Variants in ONECUT1 observed in about 807,000 individuals in gnomAD.
ONECUT1 encodes the protein hepatocyte nuclear factor 6.
ONECUT1 carries 12 observed loss-of-function variants against 25.6 expected under a neutral mutation model. The ratio of observed to expected loss-of-function variants is 0.47; its 90% CI spans 0.30 to 0.76. ONECUT1 has a LOEUF of 0.76. Among genes scored for constraint, ONECUT1 ranks in the 30% least tolerant of loss-of-function variants. The probability of loss-of-function intolerance (pLI) is 0.07; values close to 1 mark genes in which losing one functional copy is unlikely to be tolerated. For missense variants in ONECUT1, 620 were observed against 651.2 expected (o/e 0.95, Z 0.52); for synonymous variants, 285 against 270.2 (o/e 1.05, Z -0.54).
chr15:52,789,259 G>T lies in ONECUT1; in HGVS notation c.626C>A (p.Thr209Asn). The change falls in exon 1 of 2, where the codon ACC (threonine) becomes AAC (asparagine). Residue 209 changes from threonine (T) to asparagine (N), a missense_variant. By Grantham distance (65) the Thr-to-Asn change is moderately conservative. This residue lies in a region of ONECUT1 where 440 missense variants were observed against 404.9 expected (regional missense o/e 1.09). Coordinates refer to ENST00000305901, the MANE Select transcript of ONECUT1 (RefSeq NM_004498.4). This position sits in a 1 kb window ranked among gnomAD's most constrained non-coding sequence, Gnocchi z 4.1. ...HYAHPGAAMP[T>N]DKMLTPNGFE... ...GCCGTTGGGGGTGAGCATCTTGTCG[G>T]TGGGCATGGCGGCCCCCGGGTGGGC... 6.5e-7 allele frequency: 1 copy of T among 1,548,058 alleles called. No individual in the cohort carries two copies. The highest frequency in any genetic ancestry group is 8.7e-7 in the Non-Finnish European group (1 of 1,147,760).
chr15:52,783,434 T>C (rs1241820091), intron 1 of ONECUT1, among the ~76,000 whole-genome samples: 2 of 152,202 alleles, frequency 1.3e-5, no homozygotes, highest in Non-Finnish European at 2.9e-5. Context: ...TACTATGACT[T>C]CCCAAAGACA....
chr15:52,787,215 A>G (rs948462095), intron 1 of ONECUT1: 2 of 152,278 alleles, frequency 1.3e-5, no homozygotes, highest in Non-Finnish European at 2.9e-5. Context: ...CGCAGGCTGC[A>G]GGAACCTGCA....
Position 52,789,793 on chromosome 15 carries a change from C to T in ONECUT1, c.92G>A (p.Ser31Asn). 1.3e-5 allele frequency: 19 copies of T among 1,465,044 alleles called. No individual in the cohort carries two copies. Among genetic ancestry groups the T allele is most frequent in the Non-Finnish European group, 1.7e-5 (19 of 1,121,362 alleles). 90.8% of individuals were successfully genotyped at this position (1,465,044 alleles called of 1,614,324 possible). The change falls in exon 1 of 2, where the codon AGC (serine) becomes AAC (asparagine). Residue 31 changes from serine (S) to asparagine (N), a missense_variant. Transcript: ENST00000305901. This position sits in a 1 kb window ranked among gnomAD's most constrained non-coding sequence, Gnocchi z 4.1. ...CGCCACGGAGCTGCGCGCGTGGGGG[C>T]TGCCGCCCAGCAGGTCGGCAGGGGC... ...VPAPADLLGG[S>N]PHARSSVAHR...
intron 1 of ONECUT1, among the ~76,000 whole-genome samples, chr15:52,772,673 A>G (rs2141454302): frequency 6.6e-6 from 1 of 152,270 alleles, no homozygotes; most frequent in Middle Eastern, 3.4e-3. Context: ...CAGAAAGAGG[A>G]AGAACAAGGT....
intron 1 of ONECUT1, among the ~76,000 whole-genome samples, chr15:52,768,317 C>T (rs1481209140): frequency 6.6e-6 from 1 of 152,128 alleles, no homozygotes; most frequent in Non-Finnish European, 1.5e-5. Flanking sequence ...CAAATATATA[C>T]AACTATTATG....
intron 1 of ONECUT1, among the ~76,000 whole-genome samples, chr15:52,779,339 C>T (rs1028419790): frequency 4.6e-5 from 7 of 152,032 alleles, no homozygotes; most frequent in African/African-American, 7.2e-5. Flanking sequence ...CTGCCCGCCT[C>T]GGCCTCCCAA....
At chr15:52,785,528 C>T (rs905613498) in intron 1 of ONECUT1, among the ~76,000 whole-genome samples, 1 of 152,264 alleles carries the variant, frequency 6.6e-6, no homozygotes, top group African/African-American at 2.4e-5. Flanking sequence ...GCCGCCTTCC[C>T]CTGGGTCCGC....
Position 52,789,495 on chromosome 15 carries a change from A to ATGGTGG in ONECUT1, c.384_389dup (p.His133_His134dup). 6.2e-7 allele frequency: 1 copy of ATGGTGG among 1,611,444 alleles called. No individual in the cohort carries two copies. Among genetic ancestry groups the ATGGTGG allele is most frequent in the Non-Finnish European group, 8.5e-7 (1 of 1,179,078 alleles). On this transcript the variant is annotated inframe_insertion, in exon 1 of 2. Transcript: ENST00000305901. The surrounding 1 kb of genome is among the most constrained non-coding windows in gnomAD (Gnocchi z 4.1). Reference sequence around the variant, plus strand: ...GGTGGTGGTGCGGGTGGTGGTGGTGATGGTGGTGGTGGTGATGGTGGGGGA... The same window carrying ATGGTGG: ...GGTGGTGGTGCGGGTGGTGGTGGTGATGGTGGTGGTGGTGGTGGTGATGGTGGGGGA...
chr15:52,777,738 A>ACACACACACACACACACAC (rs1555416123), intron 1 of ONECUT1, among the ~76,000 whole-genome samples: 1 of 96,996 alleles, frequency 1.0e-5, no homozygotes, highest in African/African-American at 7.5e-5. Context: ...ACACACACAC[A>ACACACACACACACACACAC]AAAAAACATG....
Position 52,789,415 on chromosome 15 carries a change from C to A in ONECUT1, c.470G>T (p.Gly157Val). The change falls in exon 1 of 2, where the codon GGG (glycine) becomes GTG (valine). Residue 157 changes from glycine (G) to valine (V), a missense_variant. By Grantham distance (109) the Gly-to-Val change is moderately radical (BLOSUM62 -3). Transcript: ENST00000305901. The surrounding 1 kb of genome is among the most constrained non-coding windows in gnomAD (Gnocchi z 4.1). ...ATAGAGGTTATTCATGGAGGCCAGC[C>A]CGCGCTCATCCCGCATGAGCGTGAA... ...GSFTLMRDER[G>V]LASMNNLYTP... 3 of 1,613,888 alleles carry A rather than the reference C, an allele frequency of 1.9e-6. No individual in the cohort carries two copies. Among genetic ancestry groups the A allele is most frequent in the Non-Finnish European group, 1.7e-6 (2 of 1,179,962 alleles).
chr15:52,771,030 T>C (rs1477058708), intron 1 of ONECUT1, among the ~76,000 whole-genome samples: 1 of 152,204 alleles, frequency 6.6e-6, no homozygotes, highest in African/African-American at 2.4e-5. Context: ...TATATCAATA[T>C]TAAAATATAT....
intron 1 of ONECUT1, among the ~76,000 whole-genome samples, chr15:52,764,975 C>A (rs1162596171): frequency 6.6e-6 from 1 of 152,230 alleles, no homozygotes; most frequent in Non-Finnish European, 1.5e-5. Context: ...TAAGGCAAGA[C>A]ACATCCTGAA....
At chr15:52,782,629 G>C (rs374278650) in intron 1 of ONECUT1, among the ~76,000 whole-genome samples, 19 of 152,216 alleles carry the variant, frequency 1.2e-4, no homozygotes, top group South Asian at 2.1e-4. Flanking sequence ...GTTTTCTCCA[G>C]CATTATAAGA....
chr15:52,789,629 T>C lies in ONECUT1; in HGVS notation c.256A>G (p.Thr86Ala). The change falls in exon 1 of 2, where the codon ACC (threonine) becomes GCC (alanine). Residue 86 changes from threonine to alanine, a missense_variant. By Grantham distance (58) the Thr-to-Ala change is moderately conservative. Transcript: ENST00000305901. The surrounding 1 kb of genome is among the most constrained non-coding windows in gnomAD (Gnocchi z 4.1). ...GGAGTCTCGCAGGCCATGGTCATGG[T>C]GGGATGCAGGGGGCCGGCCAGGCTG... ...EHSLAGPLHP[T>A]MTMACETPPG... 6.4e-7 allele frequency: 1 copy of C among 1,559,512 alleles called. No individual in the cohort carries two copies. The highest frequency in any genetic ancestry group is 8.7e-7 in the Non-Finnish European group (1 of 1,151,918).
At position 52,756,713 on chromosome 15, in the gene ONECUT1, A is replaced by G. The variant is rs2083675470; in HGVS notation, c.*842T>C. Among the ~76,000 whole-genome samples, 1 of 152,244 alleles carries G rather than the reference A, an allele frequency of 6.6e-6. No homozygotes were observed. The highest frequency in any genetic ancestry group is 1.5e-5 in the Non-Finnish European group (1 of 68,048). ...TCATATTTCAAATGCTTCAAGAGTC[A>G]TAAATAATAGTCATGATTCTATGTG... is the stretch of plus-strand genomic sequence containing the variant. On this transcript the variant is annotated 3_prime_UTR_variant, in exon 2 of 2. Transcript: ENST00000305901.
In ONECUT1 at chr15:52,789,540, G is replaced by C; in HGVS notation, c.345C>G (p.Ile115Met). The C allele has an allele frequency of 1.2e-6, 2 of 1,604,618 alleles. No homozygotes were observed. Among genetic ancestry groups the C allele is most frequent in the Non-Finnish European group, 8.5e-7 (1 of 1,174,844 alleles). Residue 115 changes from isoleucine to methionine, a missense_variant, in exon 1 of 2, where the codon ATC (isoleucine) becomes ATG (methionine). Ile to Met is a conservative substitution (Grantham distance 10). This residue lies in a region of ONECUT1 where 440 missense variants were observed against 404.9 expected (regional missense o/e 1.09). Transcript: ENST00000305901. This position sits in a 1 kb window ranked among gnomAD's most constrained non-coding sequence, Gnocchi z 4.1. Reference sequence around the variant, plus strand: ...GGGGGAACTTGTCCGAGACTGTGGAGATGGGAGGCAGCGGCTGCAGAGGGG... The same window carrying C: ...GGGGGAACTTGTCCGAGACTGTGGACATGGGAGGCAGCGGCTGCAGAGGGG... The part of the protein sequence containing the change: ...TLTPLQPLPP[I>M]STVSDKFPHH...
chr15:52,780,583 A>C (rs2083834221), intron 1 of ONECUT1: 1 of 1,534,682 alleles, frequency 6.5e-7, no homozygotes, highest in African/African-American at 1.4e-5. Context: ...TTTAATAGCA[A>C]AGATTAAATT....
At chr15:52,783,562 C>T (rs1426830134) in intron 1 of ONECUT1, among the ~76,000 whole-genome samples, 1 of 152,246 alleles carries the variant, frequency 6.6e-6, no homozygotes, top group Non-Finnish European at 1.5e-5. Context: ...AAGGCCCTTT[C>T]ACCCACCCCA....
At chr15:52,764,002 C>T (rs1382456284) in intron 1 of ONECUT1, among the ~76,000 whole-genome samples, 6 of 152,174 alleles carry the variant, frequency 3.9e-5, no homozygotes, top group Admixed American at 3.3e-4. Flanking sequence ...TGTCTTAGAA[C>T]ACACTTTCTA....
Sources: allele counts gnomAD v4.1 joint callset (sites outside exome capture counted in the v4.1 genomes callset), GRCh38; gene constraint gnomAD v4.1.1; regional missense constraint gnomAD v4.1.1; non-coding constraint Gnocchi (gnomAD v3.1); transcripts MANE v1.5; gene names NCBI Gene and HGNC (gene_info 2026-07-23, HGNC 2026-07-21).